Variants in TRHDE observed in about 807,000 individuals in gnomAD.
TRHDE encodes thyrotropin releasing hormone degrading enzyme.
TRHDE carries 72 observed loss-of-function variants against 125.7 expected under a neutral mutation model. That is an observed-to-expected ratio of 0.57 (90% CI 0.47 to 0.70). TRHDE has a LOEUF of 0.70. TRHDE is among the 30% of genes least tolerant of loss of function. TRHDE has a pLI of 0.00. For missense variants in TRHDE, 1,110 were observed against 1,327.1 expected, an observed-to-expected ratio of 0.84 and a Z score of 2.54; for synonymous variants, 509 against 509.1, an observed-to-expected ratio of 1.00 and a Z score of 0.00.
rs533578176 is a variant in TRHDE at position 72,463,835 on chromosome 12, T to A, written c.1316-5923T>A. On this transcript the variant is annotated intron_variant, in intron 3 of 18. Coordinates refer to ENST00000261180, the MANE Select transcript of TRHDE (RefSeq NM_013381.3). ...CATTTCTAGCTTACAAGATTATTCA[T>A]CAGAAGGGTAATAAGGCAACACTTT... 3.3e-5 allele frequency among the ~76,000 whole-genome samples: 5 copies of A among 152,324 alleles called. No homozygotes were observed. In the South Asian group the frequency reaches 1.0e-3, roughly 32 times the overall value.
At chr12:72,443,192 C>CTCTGTGTGTG (rs1555186460) in intron 3 of TRHDE, among the ~76,000 whole-genome samples, 16 of 144,416 alleles carry the variant, frequency 1.1e-4, no homozygotes, top group African/African-American at 3.8e-4. Context: ...TACTTCTTTC[C>CTCTGTGTGTG]TGTGTGTGTG....
chr12:72,634,198 C>G (rs1592585410), intron 15 of TRHDE, among the ~76,000 whole-genome samples: 1 of 152,190 alleles, frequency 6.6e-6, no homozygotes, highest in East Asian at 1.9e-4. Context: ...TTGCCCATTC[C>G]TTCTAAACAG....
intron 15 of TRHDE, among the ~76,000 whole-genome samples, chr12:72,634,778 T>G (rs1873658060): frequency 6.6e-6 from 1 of 151,320 alleles, no homozygotes; most frequent in Admixed American, 6.6e-5. Flanking sequence ...TGTGATAGTT[T>G]ACTGAGAATG....
intron 2 of TRHDE, among the ~76,000 whole-genome samples, chr12:72,150,792 C>T: frequency 6.6e-6 from 1 of 151,960 alleles, no homozygotes; most frequent in Admixed American, 6.6e-5. Context: ...TTAATCCAGT[C>T]TATCATTGTT....
In TRHDE at chr12:72,667,944, C is replaced by T. The variant is rs1465294177; in HGVS notation, c.*4749C>T. ...TTCTAAAATGGTTTCAGCATACTAT[C>T]GGTATCTCACAATGTGTTAATTTTA... On this transcript the variant is annotated 3_prime_UTR_variant, in exon 19 of 19. Coordinates refer to ENST00000261180, the MANE Select transcript of TRHDE (RefSeq NM_013381.3). 4 of 151,602 alleles carry T rather than the reference C, an allele frequency of 2.6e-5. No homozygotes were observed. Among genetic ancestry groups the T allele is most frequent in the East Asian group, 1.9e-4 (1 of 5,146 alleles). 9.4% of individuals were successfully genotyped at this position (151,602 alleles called of 1,614,324 possible).
intron 2 of TRHDE, among the ~76,000 whole-genome samples, chr12:72,293,401 G>A (rs1205804657): frequency 6.6e-6 from 1 of 152,144 alleles, no homozygotes; most frequent in East Asian, 1.9e-4. Context: ...TGATCAAGGT[G>A]TATCAAGGAA....
intron 15 of TRHDE, among the ~76,000 whole-genome samples, chr12:72,635,552 G>C (rs1873704327): frequency 6.6e-6 from 1 of 152,084 alleles, no homozygotes. Context: ...ATTGCTTTTG[G>C]TGTTTTAGAC....
At chr12:72,284,752 C>T (rs1385899712) in intron 1 of TRHDE, among the ~76,000 whole-genome samples, 1 of 152,178 alleles carries the variant, frequency 6.6e-6, no homozygotes, top group East Asian at 1.9e-4. Flanking sequence ...CTACCGGATG[C>T]ACTTTTTCAA....
chr12:72,347,229 A>G (rs1446823243), intron 2 of TRHDE, among the ~76,000 whole-genome samples: 1 of 152,152 alleles, frequency 6.6e-6, no homozygotes, highest in Non-Finnish European at 1.5e-5. Context: ...GAGGAGACCA[A>G]ATGAGAAGCA....
intron 3 of TRHDE, among the ~76,000 whole-genome samples, chr12:72,435,204 A>G (rs1348101181): frequency 6.6e-6 from 1 of 152,224 alleles, no homozygotes; most frequent in Non-Finnish European, 1.5e-5. Context: ...TTAAAAAGAA[A>G]TTCTGCAGAT....
intron 1 of TRHDE, among the ~76,000 whole-genome samples, chr12:72,096,266 C>G (rs1874919663): frequency 6.6e-6 from 1 of 151,968 alleles, no homozygotes; most frequent in Non-Finnish European, 1.5e-5. Flanking sequence ...TATTTGTGCC[C>G]AGAACATCTT....
chr12:72,171,433 A>G (rs1024820583), intron 2 of TRHDE, among the ~76,000 whole-genome samples: 21 of 152,202 alleles, frequency 1.4e-4, no homozygotes, highest in Non-Finnish European at 1.6e-4. Flanking sequence ...GGAAAATATA[A>G]TGAGAAAGGG....
At chr12:72,239,980 G>A (rs887495379) in intron 2 of TRHDE, among the ~76,000 whole-genome samples, 4 of 152,074 alleles carry the variant, frequency 2.6e-5, no homozygotes, top group Non-Finnish European at 5.9e-5. Flanking sequence ...TCAACAATTA[G>A]GCATAGAATT....
At chr12:72,604,523 G>T (rs563608733) in intron 12 of TRHDE, among the ~76,000 whole-genome samples, 2 of 151,966 alleles carry the variant, frequency 1.3e-5, no homozygotes, top group Middle Eastern at 3.5e-3. Context: ...TAAGATTCCA[G>T]AATTTTCTTC....
chr12:72,421,703 A>G (rs369119982), intron 3 of TRHDE, among the ~76,000 whole-genome samples: 13 of 152,318 alleles, frequency 8.5e-5, no homozygotes, highest in African/African-American at 2.9e-4. Context: ...CTGCCACACT[A>G]TACTGATTTT....
At chr12:72,526,632 T>C (rs908152309) in intron 6 of TRHDE, among the ~76,000 whole-genome samples, 1 of 152,122 alleles carries the variant, frequency 6.6e-6, no homozygotes, top group African/African-American at 2.4e-5. Context: ...TACACAAAAG[T>C]GCCTGTCCTC....
intron 12 of TRHDE, among the ~76,000 whole-genome samples, chr12:72,608,722 T>A (rs776770242): frequency 4.6e-5 from 7 of 152,326 alleles, no homozygotes; most frequent in Non-Finnish European, 1.0e-4. Flanking sequence ...ATTGTTATGC[T>A]TTTCTCATAA....
chr12:72,310,772 G>A (rs141212325), intron 2 of TRHDE, among the ~76,000 whole-genome samples: 2 of 152,224 alleles, frequency 1.3e-5, no homozygotes, highest in African/African-American at 4.8e-5. Context: ...TCCTTAGCAT[G>A]TGGAGTGGAA....
At chr12:72,619,161 G>A (rs1479180066) in intron 13 of TRHDE, 123 bp downstream of exon 13, 11 of 716,516 alleles carry the variant, frequency 1.5e-5, no homozygotes, top group Admixed American at 8.3e-5. Flanking sequence ...GTGTTATCCC[G>A]ATTTTTGTCC....
Sources: allele counts gnomAD v4.1 joint callset (sites outside exome capture counted in the v4.1 genomes callset), GRCh38; gene constraint gnomAD v4.1.1; transcripts MANE v1.5; gene names NCBI Gene and HGNC (gene_info 2026-07-23, HGNC 2026-07-21).